The following APBA1 variants were observed in gnomAD, a reference collection of about 807,000 sequenced individuals.
The protein encoded by APBA1 is amyloid-beta A4 precursor protein-binding family A member 1.
A neutral mutation model predicts 86.6 loss-of-function variants in APBA1; 55 were observed. That is an observed-to-expected ratio of 0.64 (90% confidence interval 0.51 to 0.80). The LOEUF (loss-of-function observed/expected upper bound fraction) is 0.80, where lower values mean the gene tolerates loss of function less well. Ranked by LOEUF, APBA1 falls within the 30% of genes least tolerant of loss-of-function variation. APBA1 has a pLI of 0.00. For synonymous variants in APBA1, 511 were observed against 493.9 expected, an observed-to-expected ratio of 1.03 and a Z score of -0.46; for missense variants, 1,090 against 1,183.0, an observed-to-expected ratio of 0.92 and a Z score of 1.15.
At chr9:69,468,430 C>A (rs1315004820) in intron 4 of APBA1, among the ~76,000 whole-genome samples, 1 of 152,014 alleles carries the variant, frequency 6.6e-6, no homozygotes, top group Admixed American at 6.6e-5. Flanking sequence ...ATTACTTGCC[C>A]CCCCCCATTC....
intron 1 of APBA1, among the ~76,000 whole-genome samples, chr9:69,641,279 A>G (rs1258805458): frequency 6.6e-6 from 1 of 152,078 alleles, no homozygotes; most frequent in East Asian, 1.9e-4. Context: ...GGAAAGATAT[A>G]CCATGTTCAT....
At chr9:69,622,554 G>A (rs977301013) in intron 1 of APBA1, among the ~76,000 whole-genome samples, 2 of 148,368 alleles carry the variant, frequency 1.3e-5, no homozygotes, top group African/African-American at 5.0e-5. Context: ...TATTCCAAGT[G>A]GCTTTTTAAT....
rs78955847 is a variant in APBA1 at position 69,603,335 on chromosome 9, C to T, written c.-70+68818G>A. On this transcript the variant is annotated intron_variant, in intron 1 of 12. Coordinates refer to ENST00000265381, the MANE Select transcript of APBA1 (RefSeq NM_001163.4). ...TAGGCAGAACAGGATAATGCAATTTCGCTTTGAATTTTTGGAAGAAAGAAT... is the reference window on the plus strand; with the variant it reads ...TAGGCAGAACAGGATAATGCAATTTTGCTTTGAATTTTTGGAAGAAAGAAT... Among the ~76,000 whole-genome samples, 1,424 of 152,308 alleles carry T rather than the reference C, an allele frequency of 9.3e-3. 23 individuals carry two copies. Among genetic ancestry groups the T allele is most frequent in the African/African-American group, 0.032 (1,348 of 41,566 alleles).
At chr9:69,636,924 A>AAGG (rs1491475779) in intron 1 of APBA1, among the ~76,000 whole-genome samples, 1 of 115,206 alleles carries the variant, frequency 8.7e-6, no homozygotes, top group African/African-American at 3.5e-5. Flanking sequence ...GGAAGGAAGG[A>AAGG]AAGAAAGAAA....
intron 1 of APBA1, among the ~76,000 whole-genome samples, chr9:69,661,767 T>G (rs935581633): frequency 6.6e-6 from 1 of 152,058 alleles, no homozygotes; most frequent in Non-Finnish European, 1.5e-5. Context: ...AGACAGTGGA[T>G]TGTTAAAAAG....
chr9:69,515,694 G>T lies in APBA1; in HGVS notation c.1200+317C>A, dbSNP rs1413114159. 8.0e-3 allele frequency among the ~76,000 whole-genome samples: 119 copies of T among 14,852 alleles called. 4 individuals are homozygous for T. Among genetic ancestry groups the T allele is most frequent in the African/African-American group, 0.016 (112 of 7,028 alleles). The allele number at this position is 14,852 out of a possible 152,430, so 9.7% of individuals were successfully genotyped here. ...CATACTTTCTGAATCAGAAACTGGG[G>T]GGGGGGGGGGCGGGGGGTGGAGGGC... On this transcript the variant is annotated intron_variant, in intron 2 of 12. Transcript: ENST00000265381.
Position 69,564,496 on chromosome 9 carries a change from C to T in APBA1, c.-69-47217G>A, listed in dbSNP as rs77242003. ...GGGTGGGAGGTCACAAAATGACCTC[C>T]GTATGCCTTAACTGACAAAAGTGAA... On this transcript the variant is annotated intron_variant, in intron 1 of 12. Transcript: ENST00000265381. Among the ~76,000 whole-genome samples the T allele has an allele frequency of 7.0e-3, 1,058 of 152,174 alleles. 8 individuals carry two copies. The highest frequency in any genetic ancestry group is 0.024 in the African/African-American group (978 of 41,504).
intron 2 of APBA1, among the ~76,000 whole-genome samples, chr9:69,476,682 T>A (rs565123900): frequency 3.9e-5 from 6 of 152,338 alleles, no homozygotes; most frequent in African/African-American, 1.4e-4. Context: ...GTCTACAGGC[T>A]ATTGAAAATT....
intron 1 of APBA1, among the ~76,000 whole-genome samples, chr9:69,565,730 C>T (rs1485737369): frequency 2.6e-5 from 4 of 152,208 alleles, no homozygotes; most frequent in African/African-American, 7.2e-5. Flanking sequence ...CCATGTCATG[C>T]AATCCACCAC....
intron 1 of APBA1, among the ~76,000 whole-genome samples, chr9:69,540,764 A>G (rs11139225): frequency 0.087 from 13,298 of 152,016 alleles, 767 homozygotes; most frequent in East Asian, 0.29. Flanking sequence ...GCACCCGGCT[A>G]ATTTTAAATT....
At chr9:69,443,951 C>A (rs1487223472) in intron 10 of APBA1, among the ~76,000 whole-genome samples, 8 of 152,158 alleles carry the variant, frequency 5.3e-5, no homozygotes, top group Admixed American at 5.2e-4. Flanking sequence ...CATTTTCCTA[C>A]GTGGCAAGAG....
intron 1 of APBA1, among the ~76,000 whole-genome samples, chr9:69,554,083 T>C (rs930893285): frequency 2.6e-5 from 4 of 152,216 alleles, no homozygotes; most frequent in African/African-American, 4.8e-5. Flanking sequence ...TAGTATATCA[T>C]GTTCAACTTG....
At chr9:69,633,922 T>G (rs1823100898) in intron 1 of APBA1, among the ~76,000 whole-genome samples, 1 of 152,204 alleles carries the variant, frequency 6.6e-6, no homozygotes, top group Admixed American at 6.5e-5. Flanking sequence ...TAATTGCATC[T>G]TTAGGTCAAA....
intron 1 of APBA1, among the ~76,000 whole-genome samples, chr9:69,534,408 T>G (rs1836478931): frequency 6.6e-6 from 1 of 152,188 alleles, no homozygotes; most frequent in Admixed American, 6.5e-5. Flanking sequence ...ATCTAACCAA[T>G]GAGTTTGCTT....
intron 1 of APBA1, among the ~76,000 whole-genome samples, chr9:69,589,563 C>T (rs562935277): frequency 6.6e-6 from 1 of 152,274 alleles, no homozygotes; most frequent in East Asian, 1.9e-4. Flanking sequence ...GTGGGGGTCT[C>T]AGTACCCAGC....
Position 69,516,605 on chromosome 9 carries a change from C to G in APBA1, c.606G>C (p.Gly202=). ...CGCGTGCGTCCAGCTCGGGCGCGTC[C>G]CCTATCTCCTCGTACACGTGCTCCT... ...GLQEHVYEEI[G]DAPELDARDG... Residue 202 remains glycine, a synonymous_variant, in exon 2 of 13, where the codon GGG becomes GGC. Coordinates refer to ENST00000265381, the MANE Select transcript of APBA1 (RefSeq NM_001163.4). The surrounding 1 kb of genome is among the most constrained non-coding windows in gnomAD (Gnocchi z 7.3). 1 of 1,605,830 alleles carries G rather than the reference C, an allele frequency of 6.2e-7. No homozygotes were observed. Among genetic ancestry groups the G allele is most frequent in the Non-Finnish European group, 8.5e-7 (1 of 1,179,208 alleles).
At chr9:69,626,328 GT>G (rs1564095705) in intron 1 of APBA1, among the ~76,000 whole-genome samples, 1 of 151,818 alleles carries the variant, frequency 6.6e-6, no homozygotes, top group Non-Finnish European at 1.5e-5. Context: ...ATTGTTGTTT[GT>G]TTGTTTGTTT....
At chr9:69,561,706 T>A (rs367758255) in intron 1 of APBA1, among the ~76,000 whole-genome samples, 1 of 151,884 alleles carries the variant, frequency 6.6e-6, no homozygotes, top group East Asian at 1.9e-4. Context: ...CTCGACTCAC[T>A]GCAACTTCCG....
At chr9:69,596,720 T>C (rs977058607) in intron 1 of APBA1, among the ~76,000 whole-genome samples, 2 of 152,230 alleles carry the variant, frequency 1.3e-5, no homozygotes, top group African/African-American at 4.8e-5. Flanking sequence ...GTGCCACATA[T>C]CCAACTAAAT....
Sources: allele counts gnomAD v4.1 joint callset (sites outside exome capture counted in the v4.1 genomes callset), GRCh38; gene constraint gnomAD v4.1.1; non-coding constraint Gnocchi (gnomAD v3.1); transcripts MANE v1.5; gene names NCBI Gene and HGNC (gene_info 2026-07-23, HGNC 2026-07-21).